SPAG16: variants seen among roughly 807,000 people sequenced by gnomAD.
SPAG16 encodes the protein sperm-associated antigen 16 protein.
In SPAG16, 86 loss-of-function variants were observed where a neutral mutation model predicts 80.4. The ratio of observed to expected loss-of-function variants is 1.07; its 90% CI spans 0.90 to 1.28. SPAG16 has a LOEUF of 1.28. SPAG16 is among the 50% of genes most tolerant of loss of function. The probability of loss-of-function intolerance (pLI) is 0.00; values close to 1 mark genes in which losing one functional copy is unlikely to be tolerated. For missense variants in SPAG16, 870 were observed against 765.3 expected (o/e 1.14, Z -1.61); for synonymous variants, 294 against 265.9 (o/e 1.11, Z -1.03).
intron 15 of SPAG16, among the ~76,000 whole-genome samples, chr2:214,402,124 G>A (rs1306609798): frequency 2.0e-5 from 3 of 151,946 alleles, no homozygotes; most frequent in African/African-American, 7.2e-5. Context: ...ATTAACTAGT[G>A]TTGTGAATTA....
At chr2:214,291,857 T>C (rs933462837) in intron 15 of SPAG16, among the ~76,000 whole-genome samples, 38 of 152,220 alleles carry the variant, frequency 2.5e-4, no homozygotes, top group African/African-American at 9.2e-4. Context: ...CAGTAAGTTT[T>C]ATACTTTCAT....
intron 9 of SPAG16, among the ~76,000 whole-genome samples, chr2:213,404,438 A>C (rs1019937696): frequency 6.6e-6 from 1 of 152,186 alleles, no homozygotes; most frequent in African/African-American, 2.4e-5. Context: ...GACAAACCTG[A>C]CAAAAACAAG....
At chr2:213,876,169 G>T (rs1026553299) in intron 11 of SPAG16, among the ~76,000 whole-genome samples, 1 of 151,994 alleles carries the variant, frequency 6.6e-6, no homozygotes, top group Admixed American at 6.6e-5. Flanking sequence ...GGCAGTAAAT[G>T]ACATTAAATT....
intron 15 of SPAG16, among the ~76,000 whole-genome samples, chr2:214,264,714 C>A (rs1228391494): frequency 6.6e-6 from 1 of 152,062 alleles, no homozygotes; most frequent in East Asian, 1.9e-4. Context: ...ATGCATCCAT[C>A]ATTATATAAC....
intron 15 of SPAG16, among the ~76,000 whole-genome samples, chr2:214,324,968 T>C (rs750692776): frequency 4.6e-5 from 7 of 152,208 alleles, no homozygotes; most frequent in Non-Finnish European, 8.8e-5. Flanking sequence ...TCTGCTACCA[T>C]TTTATGCAGG....
chr2:214,104,685 A>C (rs778129200), intron 13 of SPAG16, among the ~76,000 whole-genome samples: 9 of 152,200 alleles, frequency 5.9e-5, no homozygotes, highest in Non-Finnish European at 1.3e-4. Flanking sequence ...GAAGATCAAA[A>C]TAGACAGTTG....
intron 15 of SPAG16, among the ~76,000 whole-genome samples, chr2:214,216,342 A>T (rs1004239376): frequency 6.6e-6 from 1 of 152,162 alleles, no homozygotes; most frequent in South Asian, 2.1e-4. Context: ...GACGATGATG[A>T]GATGGAGTCT....
At chr2:214,007,179 C>T (rs1193270856) in intron 12 of SPAG16, among the ~76,000 whole-genome samples, 1 of 151,832 alleles carries the variant, frequency 6.6e-6, no homozygotes, top group Non-Finnish European at 1.5e-5. Context: ...TTGCATTTGC[C>T]TAAAAATACT....
chr2:213,473,917 CA>C (rs2073230218), intron 9 of SPAG16, among the ~76,000 whole-genome samples: 1 of 152,164 alleles, frequency 6.6e-6, no homozygotes. Flanking sequence ...TAGAAGCAAA[CA>C]GGTGTTGGGT....
chr2:214,001,679 G>A (rs899071355), intron 12 of SPAG16, among the ~76,000 whole-genome samples: 2 of 152,154 alleles, frequency 1.3e-5, no homozygotes, highest in East Asian at 1.9e-4. Flanking sequence ...GGCACATGCA[G>A]TACATACCTT....
intron 15 of SPAG16, among the ~76,000 whole-genome samples, chr2:214,150,440 C>T (rs2055920717): frequency 6.6e-6 from 1 of 151,996 alleles, no homozygotes. Flanking sequence ...AGAAAACACT[C>T]TTCAAAATAG....
At chr2:213,519,413 C>A (rs754456346) in intron 10 of SPAG16, among the ~76,000 whole-genome samples, 2 of 152,084 alleles carry the variant, frequency 1.3e-5, no homozygotes, top group Non-Finnish European at 2.9e-5. Flanking sequence ...CAGGTCTTTC[C>A]TTTGCTGTTC....
At chr2:214,136,288 C>T (rs564606270) in intron 14 of SPAG16, among the ~76,000 whole-genome samples, 14 of 152,240 alleles carry the variant, frequency 9.2e-5, no homozygotes, top group African/African-American at 2.9e-4. Flanking sequence ...ATATCCAAAC[C>T]ATAGCATCAG....
At chr2:213,970,390 C>T (rs2044969919) in intron 12 of SPAG16, among the ~76,000 whole-genome samples, 1 of 152,034 alleles carries the variant, frequency 6.6e-6, no homozygotes, top group Admixed American at 6.6e-5. Flanking sequence ...CAACGTCTGC[C>T]TCCCAAACTC....
intron 13 of SPAG16, among the ~76,000 whole-genome samples, chr2:214,085,108 G>A (rs959048835): frequency 3.3e-5 from 5 of 152,136 alleles, no homozygotes; most frequent in African/African-American, 1.2e-4. Flanking sequence ...CCAAGAGGCT[G>A]GTAGGGCAGA....
intron 9 of SPAG16, among the ~76,000 whole-genome samples, chr2:213,396,094 T>C (rs1284456350): frequency 6.6e-6 from 1 of 152,212 alleles, no homozygotes; most frequent in Non-Finnish European, 1.5e-5. Context: ...TATTTTAGTT[T>C]TTAACATATT....
intron 10 of SPAG16, among the ~76,000 whole-genome samples, chr2:213,830,800 C>G (rs2073592366): frequency 6.6e-6 from 1 of 152,000 alleles, no homozygotes; most frequent in Non-Finnish European, 1.5e-5. Context: ...ACAAATTTCC[C>G]AAATCTGAAT....
At chr2:213,914,640 T>C (rs1313098268) in intron 11 of SPAG16, among the ~76,000 whole-genome samples, 1 of 152,244 alleles carries the variant, frequency 6.6e-6, no homozygotes, top group East Asian at 1.9e-4. Context: ...CATTCAGTTC[T>C]ATTTTAAAAC....
chr2:214,033,414 C>T (rs914636198), intron 13 of SPAG16, among the ~76,000 whole-genome samples: 4 of 152,098 alleles, frequency 2.6e-5, no homozygotes, highest in Non-Finnish European at 4.4e-5. Context: ...ATTATATTTT[C>T]GAAGAATTAC....
Sources: gnomAD v4.1 joint callset for allele counts (sites outside exome capture counted in the v4.1 genomes callset) on GRCh38, gnomAD v4.1.1 for gene constraint, MANE v1.5 for transcripts, NCBI Gene and HGNC (gene_info 2026-07-23, HGNC 2026-07-21) for gene names.